Variants in PTPRD observed in about 807,000 individuals in gnomAD.
PTPRD encodes the protein receptor-type tyrosine-protein phosphatase delta.
In PTPRD, 34 loss-of-function variants were observed where a neutral mutation model predicts 214.5. The observed-to-expected ratio is 0.16, with a 90% confidence interval of 0.12 to 0.21. The LOEUF is 0.21. Among genes scored for constraint, PTPRD ranks in the 10% least tolerant of loss-of-function variants. The pLI is 1.00. For missense variants in PTPRD, 2,545 were observed against 2,398.7 expected (o/e 1.06, Z -1.27); for synonymous variants, 1,128 against 845.7 (o/e 1.33, Z -5.79).
chr9:9,067,920 C>T (rs2099737477), intron 10 of PTPRD, among the ~76,000 whole-genome samples: 1 of 152,150 alleles, frequency 6.6e-6, no homozygotes. Flanking sequence ...AGACACAGAA[C>T]TGTTCCATTA....
chr9:9,427,242 T>C (rs901066497), intron 8 of PTPRD, among the ~76,000 whole-genome samples: 2 of 152,118 alleles, frequency 1.3e-5, no homozygotes, highest in Non-Finnish European at 2.9e-5. Context: ...CTGAAAACCA[T>C]GGCATGAGAA....
chr9:9,426,113 G>A (rs535223389), intron 8 of PTPRD, among the ~76,000 whole-genome samples: 148 of 152,188 alleles, frequency 9.7e-4, no homozygotes, highest in African/African-American at 1.5e-3. Flanking sequence ...GTGAGGCATC[G>A]CCTCACCCGG....
chr9:9,129,713 A>AT (rs982725120), intron 10 of PTPRD, among the ~76,000 whole-genome samples: 1 of 152,080 alleles, frequency 6.6e-6, no homozygotes, highest in Non-Finnish European at 1.5e-5. Flanking sequence ...CACTAGCCAG[A>AT]TTTTTTTCCC....
chr9:9,848,664 A>G (rs982067071), intron 5 of PTPRD, among the ~76,000 whole-genome samples: 2 of 152,124 alleles, frequency 1.3e-5, no homozygotes, highest in African/African-American at 4.8e-5. Flanking sequence ...CATGTTAAAG[A>G]GATTTAGAAG....
chr9:9,094,516 C>T (rs771766322), intron 10 of PTPRD, among the ~76,000 whole-genome samples: 3 of 151,972 alleles, frequency 2.0e-5, no homozygotes, highest in Non-Finnish European at 4.4e-5. Flanking sequence ...TGGGGACTTA[C>T]GGTTGGGGGA....
chr9:9,904,602 C>T (rs1355827661), intron 5 of PTPRD, among the ~76,000 whole-genome samples: 1 of 151,676 alleles, frequency 6.6e-6, no homozygotes, highest in African/African-American at 2.4e-5. Context: ...ACAAAATAAG[C>T]AGAAAAATAT....
chr9:8,923,093 G>C (rs2098839242), intron 11 of PTPRD, among the ~76,000 whole-genome samples: 2 of 151,162 alleles, frequency 1.3e-5, no homozygotes, highest in Admixed American at 6.6e-5. Flanking sequence ...CCAGGCTGGA[G>C]CGCAATGGTG....
At position 8,344,078 on chromosome 9, in the gene PTPRD, G is replaced by A. The variant is rs115903514; in HGVS notation, c.4662-2100C>T. On this transcript the variant is annotated intron_variant, in intron 39 of 45. Coordinates refer to ENST00000381196, the MANE Select transcript of PTPRD (RefSeq NM_002839.4). ...AAGGAACCTAAGTCAGACTCAACCT[G>A]GAAAAGATTTGTCTTTCTGGGTTTC... Among the ~76,000 whole-genome samples, 975 of 152,116 alleles carry A rather than the reference G, an allele frequency of 6.4e-3. 13 individuals are homozygous for A. Among genetic ancestry groups the A allele is most frequent in the African/African-American group, 0.022 (932 of 41,516 alleles).
chr9:8,576,480 T>C (rs947944193), intron 14 of PTPRD, among the ~76,000 whole-genome samples: 3 of 152,150 alleles, frequency 2.0e-5, no homozygotes, highest in African/African-American at 7.2e-5. Flanking sequence ...ATTTTGGTTG[T>C]ATTGTAAAAC....
intron 4 of PTPRD, among the ~76,000 whole-genome samples, chr9:9,953,828 G>A (rs1388227401): frequency 6.6e-6 from 1 of 152,082 alleles, no homozygotes; most frequent in Non-Finnish European, 1.5e-5. Flanking sequence ...GGGTTTTATC[G>A]ACATATGCTA....
chr9:9,231,291 A>C (rs1164307380), intron 9 of PTPRD, among the ~76,000 whole-genome samples: 2 of 152,158 alleles, frequency 1.3e-5, no homozygotes, highest in East Asian at 3.9e-4. Context: ...AATTTATCTA[A>C]ATTGGCATTC....
rs566419816 is a variant in PTPRD, at chr9:9,779,448, T to C, written c.-367-12597A>G. Reference sequence around the variant, plus strand: ...AGAATGGGAGGAAATATTCACAACCTATGCATCCAACAAAGGTCTAATATC... The same window carrying C: ...AGAATGGGAGGAAATATTCACAACCCATGCATCCAACAAAGGTCTAATATC... On this transcript the variant is annotated intron_variant, in intron 5 of 45. Transcript: ENST00000381196. Among the ~76,000 whole-genome samples, 26 of 152,210 alleles carry C rather than the reference T, an allele frequency of 1.7e-4. No individual in the cohort carries two copies. The South Asian group carries it at 3.5e-3, about 21-fold the overall frequency.
At chr9:9,215,611 G>A (rs1294552887) in intron 9 of PTPRD, among the ~76,000 whole-genome samples, 1 of 152,128 alleles carries the variant, frequency 6.6e-6, no homozygotes, top group African/African-American at 2.4e-5. Context: ...TTGTGGAGCT[G>A]AGGCACAGTG....
intron 14 of PTPRD, among the ~76,000 whole-genome samples, chr9:8,616,200 T>A (rs1353774843): frequency 2.0e-5 from 3 of 152,044 alleles, no homozygotes; most frequent in Non-Finnish European, 4.4e-5. Context: ...TACTGGACCA[T>A]CAGTACAAAT....
At chr9:10,607,578 C>A (rs1451069226) in intron 2 of PTPRD, among the ~76,000 whole-genome samples, 1 of 151,732 alleles carries the variant, frequency 6.6e-6, no homozygotes, top group African/African-American at 2.4e-5. Context: ...CATGATCTCC[C>A]AGACTTCAGT....
chr9:8,536,967 C>A (rs930735399), intron 14 of PTPRD, among the ~76,000 whole-genome samples: 2 of 152,110 alleles, frequency 1.3e-5, no homozygotes, highest in Admixed American at 6.6e-5. Context: ...TATCAGGCTA[C>A]AAACAAGGAC....
chr9:9,758,227 T>C (rs2098607808), intron 6 of PTPRD, among the ~76,000 whole-genome samples: 1 of 151,848 alleles, frequency 6.6e-6, no homozygotes, highest in Admixed American at 6.6e-5. Flanking sequence ...TATTTCCTTA[T>C]AAAAAAACAG....
intron 10 of PTPRD, among the ~76,000 whole-genome samples, chr9:9,130,723 C>A (rs532039687): frequency 1.1e-4 from 17 of 152,108 alleles, no homozygotes; most frequent in Non-Finnish European, 1.5e-5. Context: ...CTGGGTGTTG[C>A]GTATGGATAA....
chr9:10,079,360 A>T (rs1259284228), intron 3 of PTPRD, among the ~76,000 whole-genome samples: 1 of 152,112 alleles, frequency 6.6e-6, no homozygotes, highest in Non-Finnish European at 1.5e-5. Flanking sequence ...AAATGGTAAT[A>T]CGCTTTTTAA....
Sources: gnomAD v4.1 joint callset for allele counts (sites outside exome capture counted in the v4.1 genomes callset) on GRCh38, gnomAD v4.1.1 for gene constraint, MANE v1.5 for transcripts, NCBI Gene and HGNC (gene_info 2026-07-23, HGNC 2026-07-21) for gene names.